Variants in NTRK2 observed in about 807,000 individuals in gnomAD.
NTRK2 encodes BDNF/NT-3 growth factors receptor.
A neutral mutation model predicts 94.5 loss-of-function variants in NTRK2; 13 were observed. The observed-to-expected ratio is 0.14, with a 90% CI of 0.09 to 0.22. The LOEUF (loss-of-function observed/expected upper bound fraction) is 0.22, where lower values mean the gene tolerates loss of function less well. NTRK2 is among the 10% of genes least tolerant of loss of function. The probability of loss-of-function intolerance (pLI) is 1.00; values close to 1 mark genes in which losing one functional copy is unlikely to be tolerated. For missense variants in NTRK2, 639 were observed against 1,071.2 expected (o/e 0.60, Z 5.63); for synonymous variants, 372 against 407.4 (o/e 0.91, Z 1.05).
intron 17 of NTRK2, among the ~76,000 whole-genome samples, chr9:84,993,974 T>G (rs1829417573): frequency 1.3e-5 from 2 of 152,210 alleles, no homozygotes; most frequent in South Asian, 4.1e-4. Context: ...ATTTTAAGCC[T>G]TTGTGCAAAC....
rs78540625 is a variant in NTRK2, at chr9:84,960,040, A to G, written c.2172+4523A>G. Among the ~76,000 whole-genome samples, 987 of 152,344 alleles carry G rather than the reference A, an allele frequency of 6.5e-3. 9 individuals carry two copies. Among genetic ancestry groups the G allele is most frequent in the African/African-American group, 0.023 (953 of 41,574 alleles). On this transcript the variant is annotated intron_variant, in intron 17 of 18. Transcript: ENST00000277120. ...GAGTGGTAAGAAACCCTGTCCTTTA[A>G]TTTATCTTCCACTTAAGAAAAGAAA...
chr9:84,912,534 G>T (rs1328179797), intron 14 of NTRK2, among the ~76,000 whole-genome samples: 1 of 148,088 alleles, frequency 6.8e-6, no homozygotes, highest in Non-Finnish European at 1.5e-5. Context: ...TACTGTATCT[G>T]ATATTAATAT....
chr9:84,789,668 CAT>C (rs919362601), intron 12 of NTRK2, among the ~76,000 whole-genome samples: 2 of 152,182 alleles, frequency 1.3e-5, no homozygotes, highest in African/African-American at 2.4e-5. Context: ...TGATGCTGCA[CAT>C]GTTTCACTAT....
chr9:84,939,759 T>C (rs1486008025), intron 15 of NTRK2, among the ~76,000 whole-genome samples: 1 of 152,170 alleles, frequency 6.6e-6, no homozygotes, highest in Non-Finnish European at 1.5e-5. Flanking sequence ...TAGAAATCCA[T>C]GCTACTAGAA....
rs924452062 is a variant in NTRK2, at chr9:85,026,587, A to G, written c.*5150A>G. 3 of 232,862 alleles carry G rather than the reference A, an allele frequency of 1.3e-5. No individual in the cohort carries two copies. The highest frequency in any genetic ancestry group is 6.6e-5 in the African/African-American group (3 of 45,326). The allele number at this position is 232,862 out of a possible 1,614,324, so 14.4% of individuals were successfully genotyped here. A position where few individuals can be genotyped will look rare whatever the true frequency, so the allele number is the denominator to read the frequency against. On this transcript the variant is annotated 3_prime_UTR_variant, in exon 19 of 19. Transcript: ENST00000277120. ...TAATCCCTTGACAAATGACCAAATT[A>G]TGGTGAACTATTGCTCCCTGCGTTC...
chr9:84,948,934 T>A (rs926610751), intron 16 of NTRK2, among the ~76,000 whole-genome samples: 1 of 152,172 alleles, frequency 6.6e-6, no homozygotes, highest in African/African-American at 2.4e-5. Flanking sequence ...GGGTTTTAGA[T>A]GATCTGTAGG....
chr9:84,835,715 A>T (rs900830658), intron 12 of NTRK2, among the ~76,000 whole-genome samples: 6 of 152,224 alleles, frequency 3.9e-5, no homozygotes, highest in African/African-American at 1.4e-4. Flanking sequence ...CGTGAGGCTG[A>T]CCCAGGGAAG....
chr9:84,864,799 G>GCA (rs2075511003), intron 13 of NTRK2, among the ~76,000 whole-genome samples: 1 of 135,064 alleles, frequency 7.4e-6, no homozygotes, highest in Non-Finnish European at 1.5e-5. Context: ...GGAGTGCAGT[G>GCA]GTGTGATCTC....
intron 12 of NTRK2, among the ~76,000 whole-genome samples, chr9:84,760,578 T>G (rs2065470115): frequency 6.6e-6 from 1 of 152,242 alleles, no homozygotes; most frequent in African/African-American, 2.4e-5. Flanking sequence ...CTTCAGCCCT[T>G]TAATACACTA....
rs114337736 is a variant in NTRK2 at position 84,710,873 on chromosome 9, A to G, written c.583+82A>G. 1,508 of 1,368,422 alleles carry G rather than the reference A, an allele frequency of 1.1e-3. 23 individuals are homozygous for G. The African/African-American group carries it at 0.019, about 17-fold the overall frequency. 84.8% of individuals were successfully genotyped at this position (1,368,422 alleles called of 1,614,324 possible). ...GGTGCGGTAGTCTGGGAAAATTACC[A>G]CTACCTGGATTGTATATAGTATTCT... On this transcript the variant is annotated intron_variant, in intron 6 of 18. Coordinates refer to ENST00000277120, the MANE Select transcript of NTRK2 (RefSeq NM_006180.6).
At chr9:84,730,070 C>A (rs1266444407) in intron 9 of NTRK2, among the ~76,000 whole-genome samples, 1 of 152,178 alleles carries the variant, frequency 6.6e-6, no homozygotes, top group African/African-American at 2.4e-5. Flanking sequence ...ATAAAAAATA[C>A]AACTTAGGCT....
In NTRK2 at chr9:84,745,082, A is replaced by C; in HGVS notation, c.1296+9A>C. 6.3e-7 allele frequency: 1 copy of C among 1,598,564 alleles called. No homozygotes were observed. Among genetic ancestry groups the C allele is most frequent in the Non-Finnish European group, 8.6e-7 (1 of 1,165,816 alleles). ...GTCGGGAACATCTCTCGGTGAGTGG[A>C]ATAAATAGGTGTCTGAATTGGTTCT... On this transcript the variant is annotated intron_variant, in intron 11 of 18. Transcript: ENST00000277120.
intron 2 of NTRK2, among the ~76,000 whole-genome samples, chr9:84,678,060 C>T (rs1050873508): frequency 3.3e-5 from 5 of 152,134 alleles, no homozygotes; most frequent in Non-Finnish European, 7.3e-5. Flanking sequence ...TAGACACACA[C>T]CATAATGTTG....
At chr9:84,734,098 C>A (rs907715713) in intron 9 of NTRK2, among the ~76,000 whole-genome samples, 2 of 152,138 alleles carry the variant, frequency 1.3e-5, no homozygotes, top group East Asian at 1.9e-4. Context: ...TTCTTAACAC[C>A]TTGGAGTGTG....
intron 17 of NTRK2, among the ~76,000 whole-genome samples, chr9:84,966,491 G>C (rs112872491): frequency 5.9e-5 from 9 of 152,242 alleles, no homozygotes; most frequent in African/African-American, 1.7e-4. Flanking sequence ...GAGTGTAATG[G>C]CACAATATCA....
At chr9:84,890,011 T>A (rs1031922968) in intron 14 of NTRK2, among the ~76,000 whole-genome samples, 2 of 152,228 alleles carry the variant, frequency 1.3e-5, no homozygotes, top group Non-Finnish European at 2.9e-5. Context: ...GGGGCCTTAT[T>A]AAGAGCCAGC....
chr9:84,814,460 A>T, intron 12 of NTRK2: 1 of 1,065,724 alleles, frequency 9.4e-7, no homozygotes, highest in Non-Finnish European at 1.1e-6. Context: ...CTCTCTCTCT[A>T]GTATTCTAAA....
intron 12 of NTRK2, among the ~76,000 whole-genome samples, chr9:84,844,107 T>C (rs569439432): frequency 6.6e-6 from 1 of 152,306 alleles, no homozygotes; most frequent in South Asian, 2.1e-4. Flanking sequence ...TGTGAAGCCA[T>C]TGATCCATTC....
intron 12 of NTRK2, among the ~76,000 whole-genome samples, chr9:84,826,074 G>A (rs1208184315): frequency 1.3e-5 from 2 of 152,214 alleles, no homozygotes; most frequent in Non-Finnish European, 2.9e-5. Context: ...ATGGACAGCA[G>A]AAGCAAAGAT....
Sources: gnomAD v4.1 joint callset for allele counts (sites outside exome capture counted in the v4.1 genomes callset) on GRCh38, gnomAD v4.1.1 for gene constraint, MANE v1.5 for transcripts, NCBI Gene and HGNC (gene_info 2026-07-23, HGNC 2026-07-21) for gene names.